Variants in MBD5 observed in about 807,000 individuals in gnomAD.
MBD5 encodes the protein methyl-CpG-binding domain protein 5.
In MBD5, 13 loss-of-function variants were observed where a neutral mutation model predicts 117.3. The observed-to-expected ratio is 0.11, with a 90% CI of 0.07 to 0.18. The LOEUF (loss-of-function observed/expected upper bound fraction) is 0.18, where lower values mean the gene tolerates loss of function less well. MBD5 is among the 10% of genes least tolerant of loss of function. The pLI is 1.00. For synonymous variants in MBD5, 727 were observed against 766.4 expected (o/e 0.95, Z 0.85); for missense variants, 1,879 against 2,093.8 (o/e 0.90, Z 2.00).
chr2:148,475,920 T>A (rs1680948877), intron 8 of MBD5, among the ~76,000 whole-genome samples: 3 of 152,172 alleles, frequency 2.0e-5, no homozygotes, highest in African/African-American at 7.2e-5. Flanking sequence ...CAAACAACAT[T>A]AATGCCAGCC....
chr2:148,228,424 C>T (rs1181895540), intron 2 of MBD5, among the ~76,000 whole-genome samples: 3 of 152,290 alleles, frequency 2.0e-5, no homozygotes, highest in East Asian at 3.9e-4. Flanking sequence ...TATTGATTTT[C>T]GTATGATGAA....
chr2:148,152,498 G>T (rs1158248244), intron 1 of MBD5, among the ~76,000 whole-genome samples: 2 of 151,560 alleles, frequency 1.3e-5, no homozygotes, highest in African/African-American at 4.8e-5. Context: ...TATCCTTGTT[G>T]ACTTTCTGTC....
At chr2:148,412,733 T>C (rs1480777624) in intron 4 of MBD5, among the ~76,000 whole-genome samples, 2 of 152,180 alleles carry the variant, frequency 1.3e-5, no homozygotes, top group Non-Finnish European at 2.9e-5. Context: ...TGAATGGGAT[T>C]GTGTTCCTGA....
intron 2 of MBD5, among the ~76,000 whole-genome samples, chr2:148,231,601 G>A (rs1474169006): frequency 6.6e-6 from 1 of 152,124 alleles, no homozygotes; most frequent in Non-Finnish European, 1.5e-5. Flanking sequence ...GGGACAATCA[G>A]TGGAGATTTC....
At chr2:148,454,369 C>T (rs1373665855) in intron 4 of MBD5, among the ~76,000 whole-genome samples, 1 of 152,046 alleles carries the variant, frequency 6.6e-6, no homozygotes, top group East Asian at 1.9e-4. Context: ...CAATTTCAAG[C>T]TTAAAAATTC....
At chr2:148,459,425 C>T (rs1706994083) in intron 5 of MBD5, among the ~76,000 whole-genome samples, 1 of 152,032 alleles carries the variant, frequency 6.6e-6, no homozygotes. Flanking sequence ...AATAAAATGC[C>T]TACTCTTTTC....
At chr2:148,382,913 C>A (rs1351508530) in intron 4 of MBD5, among the ~76,000 whole-genome samples, 1 of 151,098 alleles carries the variant, frequency 6.6e-6, no homozygotes, top group East Asian at 1.9e-4. Flanking sequence ...CCAATGAGAA[C>A]AAAGACACAA....
chr2:148,474,043 G>A (rs1403002022), intron 8 of MBD5, among the ~76,000 whole-genome samples: 1 of 152,084 alleles, frequency 6.6e-6, no homozygotes, highest in East Asian at 1.9e-4. Context: ...CCAATTCTCA[G>A]TCCAAACACT....
intron 4 of MBD5, among the ~76,000 whole-genome samples, chr2:148,388,718 C>CAA (rs1704456218): frequency 6.6e-6 from 1 of 152,166 alleles, no homozygotes; most frequent in African/African-American, 2.4e-5. Context: ...GCTGTCTTCT[C>CAA]ACATGACCTT....
At chr2:148,374,730 C>T (rs145291393) in intron 4 of MBD5, among the ~76,000 whole-genome samples, 310 of 152,234 alleles carry the variant, frequency 2.0e-3, no homozygotes, top group African/African-American at 7.1e-3. Flanking sequence ...CTCAGGCAGA[C>T]GTGCAAATTG....
At chr2:148,355,507 A>C (rs1023511999) in intron 4 of MBD5, among the ~76,000 whole-genome samples, 1 of 152,102 alleles carries the variant, frequency 6.6e-6, no homozygotes, top group African/African-American at 2.4e-5. Context: ...ATGGCTAGCC[A>C]GTTTTCCCAA....
intron 1 of MBD5, among the ~76,000 whole-genome samples, chr2:148,041,820 C>A (rs1162075389): frequency 6.6e-6 from 1 of 152,156 alleles, no homozygotes; most frequent in African/African-American, 2.4e-5. Flanking sequence ...CCTTTAATAC[C>A]TACTTGCTTG....
chr2:148,335,954 A>G (rs1702776611), intron 3 of MBD5, among the ~76,000 whole-genome samples: 1 of 152,194 alleles, frequency 6.6e-6, no homozygotes, highest in South Asian at 2.1e-4. Flanking sequence ...CAAATTCAAG[A>G]TTCATTTATT....
At chr2:148,332,344 A>G (rs1339371644) in intron 3 of MBD5, among the ~76,000 whole-genome samples, 1 of 152,176 alleles carries the variant, frequency 6.6e-6, no homozygotes, top group African/African-American at 2.4e-5. Flanking sequence ...TAAAATTAAT[A>G]ACTGTCTTGT....
At chr2:148,227,910 C>CTGTT (rs1330113564) in intron 2 of MBD5, among the ~76,000 whole-genome samples, 4 of 151,398 alleles carry the variant, frequency 2.6e-5, no homozygotes, top group East Asian at 1.9e-4. Context: ...ATTTGGCTCT[C>CTGTT]TGTCTGTTAT....
At chr2:148,079,470 C>T (rs1486156189) in intron 1 of MBD5, among the ~76,000 whole-genome samples, 1 of 152,040 alleles carries the variant, frequency 6.6e-6, no homozygotes, top group Non-Finnish European at 1.5e-5. Context: ...AATACACCAT[C>T]TATATGTGCC....
chr2:148,248,356 C>G (rs925166952), intron 3 of MBD5, among the ~76,000 whole-genome samples: 9 of 152,048 alleles, frequency 5.9e-5, no homozygotes, highest in Non-Finnish European at 1.2e-4. Context: ...GAAGTTCACA[C>G]TACATAAGTG....
At chr2:148,448,387 A>G (rs1437154323) in intron 4 of MBD5, among the ~76,000 whole-genome samples, 2 of 151,970 alleles carry the variant, frequency 1.3e-5, no homozygotes, top group East Asian at 3.9e-4. Context: ...GTTCCTAGAT[A>G]CATATTCAGA....
intron 1 of MBD5, chr2:148,071,436 A>G (rs992285630): frequency 2.0e-5 from 3 of 151,980 alleles, no homozygotes; most frequent in African/African-American, 7.3e-5. Context: ...TAATCCTTCT[A>G]ATAATCTAGT....
Sources: gnomAD v4.1 joint callset for allele counts (sites outside exome capture counted in the v4.1 genomes callset) on GRCh38, gnomAD v4.1.1 for gene constraint, MANE v1.5 for transcripts, NCBI Gene and HGNC (gene_info 2026-07-23, HGNC 2026-07-21) for gene names.